The following PMFBP1 variants were observed in gnomAD, a reference collection of about 807,000 sequenced individuals.
The protein encoded by PMFBP1 is polyamine-modulated factor 1-binding protein 1.
Under a neutral mutation model 137.8 loss-of-function variants are expected in PMFBP1, and 131 were observed. That is an observed-to-expected ratio of 0.95 (90% CI 0.82 to 1.10). The LOEUF (loss-of-function observed/expected upper bound fraction) is 1.10, where lower values mean the gene tolerates loss of function less well. Ranked by LOEUF, PMFBP1 falls within the 50% of genes least tolerant of loss-of-function variation. The pLI is 0.00. For synonymous variants in PMFBP1, 490 were observed against 450.4 expected (o/e 1.09, Z -1.11); for missense variants, 1,199 against 1,175.4 (o/e 1.02, Z -0.29).
At chr16:72,174,828 A>C (rs2043251923), upstream of PMFBP1, among the ~76,000 whole-genome samples, 1 of 152,172 alleles carries the variant, frequency 6.6e-6, no homozygotes, top group African/African-American at 2.4e-5. Flanking sequence ...ATTACCTCCC[A>C]CCAGCTCCCT....
At chr16:72,153,954 A>C (rs1438936085) in intron 4 of PMFBP1, among the ~76,000 whole-genome samples, 2 of 150,122 alleles carry the variant, frequency 1.3e-5, no homozygotes, top group Non-Finnish European at 3.0e-5. Context: ...ACACACACAC[A>C]CACACACATG....
intron 14 of PMFBP1, 131 bp downstream of exon 14, chr16:72,128,526 A>T: frequency 6.4e-7 from 1 of 1,572,668 alleles, no homozygotes; most frequent in Non-Finnish European, 8.6e-7. Flanking sequence ...GTAGAGCTGT[A>T]GGTGGCCCAG....
chr16:72,160,406 T>C (rs564756356), intron 3 of PMFBP1, among the ~76,000 whole-genome samples: 1 of 152,352 alleles, frequency 6.6e-6, no homozygotes, highest in Middle Eastern at 3.4e-3. Flanking sequence ...AAATAATCAC[T>C]TGCAGCTATG....
chr16:72,183,048 G>T, the PMFBP1 span, among the ~76,000 whole-genome samples: 3 of 152,034 alleles, frequency 2.0e-5, no homozygotes, highest in Non-Finnish European at 4.4e-5. Flanking sequence ...CCCATTTCAG[G>T]TCTGCTCTCT....
intron 2 of PMFBP1, among the ~76,000 whole-genome samples, chr16:72,170,835 A>C (rs928539356): frequency 1.3e-5 from 2 of 152,250 alleles, no homozygotes; most frequent in Non-Finnish European, 2.9e-5. Flanking sequence ...ATATCGATTA[A>C]GTGCTTTCTA....
the PMFBP1 span, among the ~76,000 whole-genome samples, chr16:72,183,632 A>G: frequency 1 from 151,803 of 152,228 alleles, 75,690 homozygotes; most frequent in Middle Eastern, 1. Context: ...TTCCAAATAA[A>G]GTCACATTCT....
At chr16:72,190,715 CTG>C in the PMFBP1 span, among the ~76,000 whole-genome samples, 1 of 152,014 alleles carries the variant, frequency 6.6e-6, no homozygotes, top group Admixed American at 6.6e-5. Flanking sequence ...ATGAAGAAGA[CTG>C]AGCCTCAGAA....
chr16:72,118,693 G>C (rs746643125), downstream of PMFBP1, among the ~76,000 whole-genome samples: 13 of 152,110 alleles, frequency 8.5e-5, no homozygotes, highest in Non-Finnish European at 1.3e-4. Context: ...AATTTCACTT[G>C]TATTGAGGTG....
the PMFBP1 span, among the ~76,000 whole-genome samples, chr16:72,236,929 T>C: frequency 6.6e-6 from 1 of 152,200 alleles, no homozygotes; most frequent in African/African-American, 2.4e-5. Context: ...AAATATTTGT[T>C]CCCCCCTTTT....
chr16:72,205,477 G>A, the PMFBP1 span, among the ~76,000 whole-genome samples: 3 of 152,214 alleles, frequency 2.0e-5, no homozygotes, highest in Admixed American at 2.0e-4. Context: ...CAGCAAGAAT[G>A]CAAACAACCC....
chr16:72,191,170 C>G, the PMFBP1 span, among the ~76,000 whole-genome samples: 31 of 152,296 alleles, frequency 2.0e-4, no homozygotes, highest in African/African-American at 6.7e-4. Context: ...CTTTCTGCCC[C>G]TATATTCCTG....
upstream of PMFBP1, among the ~76,000 whole-genome samples, chr16:72,177,579 T>C (rs1477477297): frequency 2.0e-5 from 3 of 152,226 alleles, no homozygotes; most frequent in East Asian, 3.8e-4. Flanking sequence ...AGTTCCTGTA[T>C]ACCCTTTCCC....
the PMFBP1 span, among the ~76,000 whole-genome samples, chr16:72,183,204 G>A: frequency 6.6e-6 from 1 of 152,202 alleles, no homozygotes; most frequent in Non-Finnish European, 1.5e-5. Context: ...CTCAGCTTGA[G>A]CATGCCATCT....
upstream of PMFBP1, chr16:72,172,232 T>G (rs1415029591): frequency 6.6e-6 from 1 of 152,044 alleles, no homozygotes; most frequent in East Asian, 1.9e-4. Context: ...GAAGTCTTCA[T>G]GCACAGAGGT....
chr16:72,239,094 T>C, the PMFBP1 span, among the ~76,000 whole-genome samples: 1 of 152,184 alleles, frequency 6.6e-6, no homozygotes, highest in African/African-American at 2.4e-5. Flanking sequence ...CCAAATGTTA[T>C]TAGTGCTGAG....
the PMFBP1 span, among the ~76,000 whole-genome samples, chr16:72,238,586 C>T: frequency 8.6e-3 from 1,310 of 152,220 alleles, 11 homozygotes; most frequent in Non-Finnish European, 0.013. Context: ...ACATGCTTCC[C>T]TTTAGACTTA....
At chr16:72,169,962 T>C (rs933761114) in intron 2 of PMFBP1, among the ~76,000 whole-genome samples, 1 of 152,098 alleles carries the variant, frequency 6.6e-6, no homozygotes, top group African/African-American at 2.4e-5. Flanking sequence ...AGGATACATA[T>C]GACATATGTT....
intron 5 of PMFBP1, among the ~76,000 whole-genome samples, chr16:72,144,194 G>A (rs1176207884): frequency 6.6e-6 from 1 of 152,064 alleles, no homozygotes; most frequent in African/African-American, 2.4e-5. Context: ...AAGAAAACTT[G>A]CATAAAAGTA....
the PMFBP1 span, among the ~76,000 whole-genome samples, chr16:72,216,228 C>G: frequency 1.3e-5 from 2 of 152,176 alleles, no homozygotes; most frequent in African/African-American, 4.8e-5. Context: ...AGAATCATTA[C>G]TTAGAGGAGA....
Sources: allele counts gnomAD v4.1 joint callset (sites outside exome capture counted in the v4.1 genomes callset), GRCh38; gene constraint gnomAD v4.1.1; transcripts MANE v1.5; gene names NCBI Gene and HGNC (gene_info 2026-07-23, HGNC 2026-07-21).